The following CYP2C19 variants were observed in gnomAD, a reference collection of about 807,000 sequenced individuals.
CYP2C19 encodes cytochrome P450 2C19.
A neutral mutation model predicts 40.9 loss-of-function variants in CYP2C19; 59 were observed. The observed-to-expected ratio is 1.44, with a 90% CI of 1.17 to 1.79. The LOEUF (loss-of-function observed/expected upper bound fraction) is 1.79, where lower values mean the gene tolerates loss of function less well. Among genes scored for constraint, CYP2C19 ranks in the 40% most tolerant of loss-of-function variants. The pLI is 0.00. For missense variants in CYP2C19, 754 were observed against 596.9 expected, an observed-to-expected ratio of 1.26 and a Z score of -2.74; for synonymous variants, 253 against 208.7, an observed-to-expected ratio of 1.21 and a Z score of -1.83.
At chr10:94,771,437 A>G (rs1419638617) in intron 1 of CYP2C19, among the ~76,000 whole-genome samples, 1 of 152,140 alleles carries the variant, frequency 6.6e-6, no homozygotes, top group African/African-American at 2.4e-5. Context: ...ATTTCACTCC[A>G]TTTGGCTTTC....
chr10:94,768,235 C>A (rs1040285908), intron 1 of CYP2C19, among the ~76,000 whole-genome samples: 2 of 152,156 alleles, frequency 1.3e-5, no homozygotes, highest in Non-Finnish European at 2.9e-5. Flanking sequence ...GCCACCAGTT[C>A]TGCTAACTGG....
chr10:94,840,380 C>A (rs760853898), intron 6 of CYP2C19, among the ~76,000 whole-genome samples: 2 of 151,672 alleles, frequency 1.3e-5, no homozygotes, highest in African/African-American at 2.4e-5. Context: ...CTGCCCATGT[C>A]GAGAGCTGTA....
intron 5 of CYP2C19, among the ~76,000 whole-genome samples, chr10:94,809,629 A>G (rs1010048951): frequency 6.6e-6 from 1 of 151,944 alleles, no homozygotes; most frequent in Non-Finnish European, 1.5e-5. Flanking sequence ...GAGAGAGGGC[A>G]TCCTTGTCTT....
intron 5 of CYP2C19, among the ~76,000 whole-genome samples, chr10:94,794,494 G>A (rs973843028): frequency 1.3e-5 from 2 of 152,120 alleles, no homozygotes; most frequent in Non-Finnish European, 2.9e-5. Flanking sequence ...GAACCTCCCA[G>A]TATGGCCATT....
At chr10:94,804,381 C>A (rs1306828473) in intron 5 of CYP2C19, among the ~76,000 whole-genome samples, 1 of 152,222 alleles carries the variant, frequency 6.6e-6, no homozygotes, top group Non-Finnish European at 1.5e-5. Context: ...TCCAGACCAA[C>A]TGCTCCGATT....
At chr10:94,783,966 A>C (rs1221667846) in intron 5 of CYP2C19, among the ~76,000 whole-genome samples, 1 of 152,170 alleles carries the variant, frequency 6.6e-6, no homozygotes, top group Admixed American at 6.5e-5. Flanking sequence ...AGTGGTATTT[A>C]ATGTATTCAC....
At chr10:94,820,680 G>T (rs761904410) in intron 6 of CYP2C19, 43 bp downstream of exon 6, 2 of 1,612,284 alleles carry the variant, frequency 1.2e-6, no homozygotes, top group East Asian at 2.2e-5. Context: ...TAGGAAAGAT[G>T]TTGGGAAGGT....
chr10:94,768,104 A>G (rs1848273064), intron 1 of CYP2C19, among the ~76,000 whole-genome samples: 1 of 152,186 alleles, frequency 6.6e-6, no homozygotes, highest in African/African-American at 2.4e-5. Flanking sequence ...GTTTCTCCAG[A>G]GGTTAGGAAC....
intron 5 of CYP2C19, among the ~76,000 whole-genome samples, chr10:94,782,234 A>G (rs760312742): frequency 3.9e-5 from 6 of 152,168 alleles, no homozygotes; most frequent in Non-Finnish European, 8.8e-5. Flanking sequence ...TATCTGAACA[A>G]TAAGGATGTC....
At chr10:94,820,409 A>T in intron 5 of CYP2C19, 87 bp from the exon 6 acceptor site, 1 of 1,448,096 alleles carries the variant, frequency 6.9e-7, no homozygotes, top group East Asian at 2.3e-5. Flanking sequence ...TATGTTGGTA[A>T]GTATACAATG....
At chr10:94,806,410 T>C (rs1306572409) in intron 5 of CYP2C19, among the ~76,000 whole-genome samples, 2 of 152,094 alleles carry the variant, frequency 1.3e-5, no homozygotes, top group Admixed American at 1.3e-4. Context: ...TTCTTTTGGG[T>C]ATATACCCAG....
chr10:94,791,753 T>G (rs908596540), intron 5 of CYP2C19, among the ~76,000 whole-genome samples: 1 of 152,302 alleles, frequency 6.6e-6, no homozygotes, highest in Admixed American at 6.5e-5. Flanking sequence ...ATTTCTATTC[T>G]TTTACATTTG....
chr10:94,796,363 A>G (rs899732825), intron 5 of CYP2C19, among the ~76,000 whole-genome samples: 5 of 149,974 alleles, frequency 3.3e-5, no homozygotes, highest in African/African-American at 1.2e-4. Context: ...CTATATCCAT[A>G]TGGTACAAGT....
At chr10:94,798,392 A>C (rs1848719047) in intron 5 of CYP2C19, among the ~76,000 whole-genome samples, 1 of 152,132 alleles carries the variant, frequency 6.6e-6, no homozygotes, top group African/African-American at 2.4e-5. Flanking sequence ...ACATTTGCTG[A>C]GGAGTGCTTT....
chr10:94,822,978 C>A (rs1849153444), intron 6 of CYP2C19, among the ~76,000 whole-genome samples: 1 of 151,746 alleles, frequency 6.6e-6, no homozygotes. Context: ...GGGATATTAG[C>A]TGTTTGAGCC....
intron 3 of CYP2C19, 65 bp downstream of exon 3, chr10:94,775,604 G>C: frequency 6.2e-7 from 1 of 1,612,782 alleles, no homozygotes; most frequent in Non-Finnish European, 8.5e-7. Context: ...GACATTCTTG[G>C]AAACATTTCA....
In CYP2C19 at chr10:94,774,846, G is replaced by A. The variant is rs1440380809; in HGVS notation, c.169-212G>A. 7.5e-5 allele frequency: 44 copies of A among 583,278 alleles called. 1 individual carries two copies. Among genetic ancestry groups the A allele is most frequent in the South Asian group, 6.5e-4 (31 of 48,044 alleles). 36.1% of individuals were successfully genotyped at this position (583,278 alleles called of 1,614,324 possible). On this transcript the variant is annotated intron_variant, in intron 1 of 8. Coordinates refer to ENST00000371321, the MANE Select transcript of CYP2C19 (RefSeq NM_000769.4). ...GTGAGGGTTAATTGTAATCTGTGTA[G>A]CAATTGTCTGACCATTGCCTTGAAC...
intron 5 of CYP2C19, among the ~76,000 whole-genome samples, chr10:94,818,652 AT>A (rs1849055371): frequency 6.7e-6 from 1 of 148,450 alleles, no homozygotes; most frequent in Non-Finnish European, 1.5e-5. Context: ...CTTTGAAGCA[AT>A]TGTGAATGGG....
chr10:94,805,336 G>T (rs1024011487), intron 5 of CYP2C19, among the ~76,000 whole-genome samples: 11 of 152,046 alleles, frequency 7.2e-5, no homozygotes, highest in Non-Finnish European at 1.2e-4. Context: ...TTCTAATATG[G>T]TGTAGTGCAC....
Sources: allele counts gnomAD v4.1 joint callset (sites outside exome capture counted in the v4.1 genomes callset), GRCh38; gene constraint gnomAD v4.1.1; transcripts MANE v1.5; gene names NCBI Gene and HGNC (gene_info 2026-07-23, HGNC 2026-07-21).